The following GRID2 variants were observed in gnomAD, a reference collection of about 807,000 sequenced individuals.
GRID2 encodes glutamate receptor ionotropic, delta-2.
Under a neutral mutation model 114.8 loss-of-function variants are expected in GRID2, and 33 were observed. The ratio of observed to expected loss-of-function variants is 0.29; its 90% confidence interval spans 0.22 to 0.38. GRID2 has a LOEUF of 0.38. Ranked by LOEUF, GRID2 falls within the 10% of genes least tolerant of loss-of-function variation. The probability of loss-of-function intolerance (pLI) is 1.00; values close to 1 mark genes in which losing one functional copy is unlikely to be tolerated. For synonymous variants in GRID2, 505 were observed against 449.9 expected (o/e 1.12, Z -1.55); for missense variants, 1,184 against 1,257.7 (o/e 0.94, Z 0.89).
chr4:93,245,099 A>G (rs1193208105), intron 8 of GRID2, among the ~76,000 whole-genome samples: 1 of 152,110 alleles, frequency 6.6e-6, no homozygotes, highest in African/African-American at 2.4e-5. Flanking sequence ...ATATGTAAAT[A>G]TAATTAACTT....
intron 1 of GRID2, among the ~76,000 whole-genome samples, chr4:92,450,650 C>T (rs1720859319): frequency 6.6e-6 from 1 of 151,416 alleles, no homozygotes; most frequent in African/African-American, 2.4e-5. Flanking sequence ...TATTTTTTTT[C>T]ACTTGATTTT....
chr4:93,702,310 G>A (rs996871931), intron 14 of GRID2, among the ~76,000 whole-genome samples: 1 of 151,928 alleles, frequency 6.6e-6, no homozygotes, highest in African/African-American at 2.4e-5. Context: ...CATAACTTTG[G>A]ATATCTGTTT....
At chr4:93,105,961 A>G (rs1240285228) in intron 3 of GRID2, among the ~76,000 whole-genome samples, 1 of 152,156 alleles carries the variant, frequency 6.6e-6, no homozygotes, top group Non-Finnish European at 1.5e-5. Flanking sequence ...ACATGTGAGC[A>G]TTTTGGGGAG....
rs199873335 is a variant in GRID2 at position 93,611,511 on chromosome 4, T to G, written c.2194-14758T>G. On this transcript the variant is annotated intron_variant, in intron 13 of 15. Coordinates refer to ENST00000282020, the MANE Select transcript of GRID2 (RefSeq NM_001510.4). Reference sequence around the variant, plus strand: ...ATGCGTCCCAGAGATTCTGGTATGTTGTGTCTTTGTTCTCATTGGTTTCAA... The same window carrying G: ...ATGCGTCCCAGAGATTCTGGTATGTGGTGTCTTTGTTCTCATTGGTTTCAA... Among the ~76,000 whole-genome samples the G allele has an allele frequency of 1.7e-3, 245 of 141,222 alleles. 1 individual carries two copies. The highest frequency in any genetic ancestry group is 0.017 in the East Asian group (81 of 4,844). The allele number at this position is 141,222 out of a possible 152,430, so 92.6% of individuals were successfully genotyped here.
chr4:93,561,943 G>T (rs1319004402), intron 13 of GRID2, among the ~76,000 whole-genome samples: 1 of 152,056 alleles, frequency 6.6e-6, no homozygotes, highest in Admixed American at 6.6e-5. Context: ...AGTACATCTT[G>T]GTTGCTTCCA....
At position 92,304,397 on chromosome 4, in the gene GRID2, A is replaced by G. The variant is rs775847878; in HGVS notation, c.-260A>G. On this transcript the variant is annotated 5_prime_UTR_variant, in exon 1 of 16. Transcript: ENST00000282020. ...GCTGGATATATTTTTCAAAAGCCAA[A>G]CTGCAAACAACTCTGGCGATGCCAA... The G allele has an allele frequency of 2.2e-4, 117 of 541,924 alleles. No homozygotes were observed. Among genetic ancestry groups the G allele is most frequent in the Middle Eastern group, 1.0e-3 (2 of 1,978 alleles). 33.6% of individuals were successfully genotyped at this position (541,924 alleles called of 1,614,324 possible). A position where few individuals can be genotyped will look rare whatever the true frequency, so the allele number is the denominator to read the frequency against.
intron 1 of GRID2, among the ~76,000 whole-genome samples, chr4:92,428,809 T>C (rs1480872279): frequency 6.6e-6 from 1 of 152,164 alleles, no homozygotes; most frequent in East Asian, 1.9e-4. Context: ...GCATGCACAG[T>C]AGGTGTGTAC....
At chr4:92,492,571 T>G (rs951131507) in intron 1 of GRID2, among the ~76,000 whole-genome samples, 2 of 152,146 alleles carry the variant, frequency 1.3e-5, no homozygotes, top group Non-Finnish European at 2.9e-5. Context: ...CACATTTTTA[T>G]ATCTACAAAG....
intron 2 of GRID2, among the ~76,000 whole-genome samples, chr4:93,065,488 G>A (rs1728218060): frequency 6.6e-6 from 1 of 151,792 alleles, no homozygotes; most frequent in Non-Finnish European, 1.5e-5. Flanking sequence ...ATCTCTCCCA[G>A]TCATAACTTA....
At chr4:92,585,287 T>A (rs1365232309) in intron 1 of GRID2, among the ~76,000 whole-genome samples, 2 of 152,022 alleles carry the variant, frequency 1.3e-5, no homozygotes, top group Admixed American at 6.6e-5. Flanking sequence ...ATTCATTGCA[T>A]GTAGCATCTT....
At chr4:93,249,594 C>T (rs530312032) in intron 8 of GRID2, among the ~76,000 whole-genome samples, 13 of 152,038 alleles carry the variant, frequency 8.6e-5, no homozygotes, top group African/African-American at 3.1e-4. Flanking sequence ...CTTCACATCC[C>T]TTGTAAGTTG....
At chr4:92,932,557 A>C (rs1422348529) in intron 2 of GRID2, among the ~76,000 whole-genome samples, 1 of 151,352 alleles carries the variant, frequency 6.6e-6, no homozygotes, top group Non-Finnish European at 1.5e-5. Flanking sequence ...CCCCATTCCC[A>C]GATATTTGCC....
intron 13 of GRID2, among the ~76,000 whole-genome samples, chr4:93,553,137 G>C (rs1733946316): frequency 6.6e-6 from 1 of 152,072 alleles, no homozygotes; most frequent in South Asian, 2.1e-4. Flanking sequence ...TAATCCTTAG[G>C]GTATATACCC....
Position 93,632,934 on chromosome 4 carries a change from T to C in GRID2, c.2360+6499T>C, listed in dbSNP as rs551726120. 3.3e-5 allele frequency among the ~76,000 whole-genome samples: 5 copies of C among 152,310 alleles called. No individual in the cohort carries two copies. The South Asian group carries it at 1.0e-3, about 32-fold the overall frequency. ...GTTCTCCTTGAAGAGGTCCTTCACA[T>C]CCCTTGTAAGTTGGATTCCTAGGTA... On this transcript the variant is annotated intron_variant, in intron 14 of 15. Transcript: ENST00000282020.
chr4:93,235,793 T>C (rs1746717590), intron 7 of GRID2, among the ~76,000 whole-genome samples: 1 of 152,058 alleles, frequency 6.6e-6, no homozygotes, highest in African/African-American at 2.4e-5. Context: ...CTTCTTCAAG[T>C]AAACTAAGTC....
Position 92,432,984 on chromosome 4 carries a change from C to T in GRID2, c.88+128240C>T, listed in dbSNP as rs1286567119. On this transcript the variant is annotated intron_variant, in intron 1 of 15. Transcript: ENST00000282020. The stretch of plus-strand genomic sequence containing the variant: ...GGTGATGAATCCTTCCAAAAACGGT[C>T]CTTCCCTTAGGAGTAGCAGCTTTCC... Among the ~76,000 whole-genome samples, 4 of 152,124 alleles carry T rather than the reference C, an allele frequency of 2.6e-5. No individual in the cohort carries two copies. In the East Asian group the frequency reaches 7.7e-4, roughly 29 times the overall value.
At chr4:93,150,613 G>A (rs1023604494) in intron 4 of GRID2, among the ~76,000 whole-genome samples, 3 of 152,014 alleles carry the variant, frequency 2.0e-5, no homozygotes, top group Admixed American at 6.6e-5. Flanking sequence ...GTTCTGGCCA[G>A]CTCTGCATGT....
At chr4:92,725,338 T>C (rs1251373555) in intron 2 of GRID2, among the ~76,000 whole-genome samples, 3 of 152,082 alleles carry the variant, frequency 2.0e-5, no homozygotes, top group Non-Finnish European at 4.4e-5. Flanking sequence ...TCTAAGTAAG[T>C]TGGATAAATT....
At chr4:93,439,352 G>A (rs1211425805) in intron 10 of GRID2, among the ~76,000 whole-genome samples, 5 of 152,010 alleles carry the variant, frequency 3.3e-5, no homozygotes, top group African/African-American at 1.2e-4. Flanking sequence ...TTTAGCAGAG[G>A]AAAATGAGCA....
Sources: gnomAD v4.1 joint callset for allele counts (sites outside exome capture counted in the v4.1 genomes callset) on GRCh38, gnomAD v4.1.1 for gene constraint, MANE v1.5 for transcripts, NCBI Gene and HGNC (gene_info 2026-07-23, HGNC 2026-07-21) for gene names.